The following TLN1 variants were observed in gnomAD, a reference collection of about 807,000 sequenced individuals.
TLN1 encodes talin-1.
TLN1 carries 56 observed loss-of-function variants against 292.3 expected under a neutral mutation model. That is an observed-to-expected ratio of 0.19 (90% CI 0.15 to 0.24). The LOEUF (loss-of-function observed/expected upper bound fraction) is 0.24. TLN1 is among the 10% of genes least tolerant of loss of function. The probability of loss-of-function intolerance (pLI) is 1.00; values close to 1 mark genes in which losing one functional copy is unlikely to be tolerated. For missense variants in TLN1, 2,433 were observed against 3,248.2 expected (o/e 0.75, Z 6.10); for synonymous variants, 1,119 against 1,253.7 (o/e 0.89, Z 2.27).
chr9:35,721,529 C>A, intron 10 of TLN1, 119 bp downstream of exon 10: 8 of 1,128,088 alleles, frequency 7.1e-6, no homozygotes, highest in Admixed American at 5.4e-5. Context: ...TCTACTCTAA[C>A]CTCCTTTTTT....
At position 35,704,182 on chromosome 9, in the gene TLN1, A is replaced by C. The variant is rs62545554; in HGVS notation, c.6048-8T>G. The C allele has an allele frequency of 0.028, 43,816 of 1,583,506 alleles. 825 individuals are homozygous for C. Among genetic ancestry groups the C allele is most frequent in the Non-Finnish European group, 0.031 (35,539 of 1,163,350 alleles). The stretch of plus-strand genomic sequence containing the variant: ...GTCTTCAGGATGCCCTCCCTGAGGG[A>C]GGGCCCAGCTTAGTCAGATCTCCCC... On this transcript the variant is annotated splice_region_variant and splice_polypyrimidine_tract_variant and intron_variant, in intron 45 of 56. Coordinates refer to ENST00000314888, the MANE Select transcript of TLN1 (RefSeq NM_006289.4). The surrounding 1 kb of genome is among the most constrained non-coding windows in gnomAD (Gnocchi z 6.9).
chr9:35,724,362 C>T lies in TLN1; in HGVS notation c.512-28G>A. 6.2e-7 allele frequency: 1 copy of T among 1,613,814 alleles called. No individual in the cohort carries two copies. Among genetic ancestry groups the T allele is most frequent in the Non-Finnish European group, 8.5e-7 (1 of 1,179,786 alleles). On this transcript the variant is annotated intron_variant, in intron 5 of 56. Transcript: ENST00000314888. The surrounding 1 kb of genome is among the most constrained non-coding windows in gnomAD (Gnocchi z 4.7). ...GGGATACAGACAGTCCCCTCAGTGCCAAACCCCCATGGCCCCTGTGCTGTC... is the reference window on the plus strand; with the variant it reads ...GGGATACAGACAGTCCCCTCAGTGCTAAACCCCCATGGCCCCTGTGCTGTC...
chr9:35,718,570 G>A (rs970556002), intron 17 of TLN1, among the ~76,000 whole-genome samples: 2 of 152,234 alleles, frequency 1.3e-5, no homozygotes, highest in African/African-American at 4.8e-5. Context: ...GAGAAAAGAT[G>A]ACAAGGGGCT....
At chr9:35,711,927 A>G in intron 28 of TLN1, 78 bp downstream of exon 28, 1 of 1,594,518 alleles carries the variant, frequency 6.3e-7, no homozygotes, top group South Asian at 1.1e-5. Flanking sequence ...TCAGGGTCAA[A>G]GGACAACCGA....
At position 35,699,184 on chromosome 9, in the gene TLN1, G is replaced by A; in HGVS notation, c.6875-28C>T. On this transcript the variant is annotated intron_variant, in intron 51 of 56. Transcript: ENST00000314888. The surrounding 1 kb of genome is among the most constrained non-coding windows in gnomAD (Gnocchi z 4.0). ...GGTGGGATGAAGGAAGAGGAAAGAG[G>A]CTAAGGCAGAGTGGGGAGGTCAAAA... 1 of 1,593,758 alleles carries A rather than the reference G, an allele frequency of 6.3e-7. No individual in the cohort carries two copies. The highest frequency in any genetic ancestry group is 1.1e-5 in the South Asian group (1 of 89,748).
rs1352834690 is a variant in TLN1, at chr9:35,706,455, G to A, written c.5185C>T (p.His1729Tyr). 6.2e-7 allele frequency: 1 copy of A among 1,614,112 alleles called. No individual in the cohort carries two copies. The highest frequency in any genetic ancestry group is 8.5e-7 in the Non-Finnish European group (1 of 1,180,014). The change falls in exon 39 of 57, where the codon CAC (histidine) becomes TAC (tyrosine). Residue 1729 changes from histidine (H) to tyrosine (Y), a missense_variant. By Grantham distance (83) the His-to-Tyr change is moderately conservative. Around this residue, in one of 7 missense-constraint regions of TLN1, gnomAD observed 1,384 missense variants for 1,699.6 expected, o/e 0.81. Coordinates refer to ENST00000314888, the MANE Select transcript of TLN1 (RefSeq NM_006289.4). This position sits in a 1 kb window ranked among gnomAD's most constrained non-coding sequence, Gnocchi z 4.2. ...CCATGAGTCTCCATAGGTACCTTGT[G>A]TCCCAGCTGGGAGGCTTCAGCCCGG... ...AARAEASQLG[H>Y]KVSQMAQYFE...
chr9:35,711,858 G>C (rs1015726833), intron 28 of TLN1, 66 bp from the exon 29 acceptor site: 2 of 1,606,662 alleles, frequency 1.2e-6, no homozygotes, highest in African/African-American at 1.3e-5. Context: ...TCTGGTAAAG[G>C]AGGGCTGAAA....
rs1333111585 is a variant in TLN1, at chr9:35,719,690, T to C, written c.1578+50A>G. ...GTTTGGTTCACCTCATCCCTATCCCTTGGAGTCTCAGCTTCAGTACCACCG... is the reference window on the plus strand; with the variant it reads ...GTTTGGTTCACCTCATCCCTATCCCCTGGAGTCTCAGCTTCAGTACCACCG... On this transcript the variant is annotated intron_variant, in intron 14 of 56. Coordinates refer to ENST00000314888, the MANE Select transcript of TLN1 (RefSeq NM_006289.4). This position sits in a 1 kb window ranked among gnomAD's most constrained non-coding sequence, Gnocchi z 4.6. 9 of 1,611,112 alleles carry C rather than the reference T, an allele frequency of 5.6e-6. No individual in the cohort carries two copies. The highest frequency in any genetic ancestry group is 2.2e-5 in the South Asian group (2 of 90,964).
At position 35,717,321 on chromosome 9, in the gene TLN1, C is replaced by T. The variant is rs1480809623; in HGVS notation, c.2283G>A (p.Gly761=). The T allele has an allele frequency of 6.2e-7, 1 of 1,614,038 alleles. No homozygotes were observed. Among genetic ancestry groups the T allele is most frequent in the Non-Finnish European group, 8.5e-7 (1 of 1,180,046 alleles). ...CTGCTCCTACCCCTCGCAACAGTTG[C>T]CCATCCTCTGTAGCTGCCTGGGAGG... The part of the protein sequence containing the change: ...VSASQAATED[G]QLLRGVGAAA... Residue 761 remains glycine, a synonymous_variant, in exon 19 of 57, where the codon GGG becomes GGA. Transcript: ENST00000314888. This position sits in a 1 kb window ranked among gnomAD's most constrained non-coding sequence, Gnocchi z 4.7.
At position 35,709,909 on chromosome 9, in the gene TLN1, A is replaced by G. The variant is rs1255682897; in HGVS notation, c.4326+652T>C. ...CTCAAAAAAAAAAAAAAAAAAAAAA[A>G]AAAAAGAAAGTAGTGATTACAGGCC... On this transcript the variant is annotated intron_variant, in intron 33 of 56. Coordinates refer to ENST00000314888, the MANE Select transcript of TLN1 (RefSeq NM_006289.4). Among the ~76,000 whole-genome samples the G allele has an allele frequency of 3.1e-5, 4 of 130,332 alleles. No homozygotes were observed. The East Asian group carries it at 9.3e-4, about 30-fold the overall frequency. The allele number at this position is 130,332 out of a possible 152,430, so 85.5% of individuals were successfully genotyped here.
chr9:35,715,199 G>A lies in TLN1; in HGVS notation c.2626-12C>T. 6.2e-7 allele frequency: 1 copy of A among 1,607,262 alleles called. No individual in the cohort carries two copies. The highest frequency in any genetic ancestry group is 8.5e-7 in the Non-Finnish European group (1 of 1,179,580). The stretch of plus-strand genomic sequence containing the variant: ...TGGGCAGCTGCTCCCTGAGGGAGAG[G>A]TGGAAAGACAGTCATCACCCAGCTC... On this transcript the variant is annotated splice_polypyrimidine_tract_variant and intron_variant, in intron 20 of 56. Coordinates refer to ENST00000314888, the MANE Select transcript of TLN1 (RefSeq NM_006289.4).
intron 48 of TLN1, among the ~76,000 whole-genome samples, 177 bp downstream of exon 48, chr9:35,703,383 G>C (rs1395558816): frequency 2.6e-5 from 4 of 152,144 alleles, no homozygotes; most frequent in African/African-American, 9.7e-5. Context: ...AGAGGGCTGA[G>C]AAGGCTGGAG....
At chr9:35,712,206 T>A in intron 27 of TLN1, 82 bp from the exon 28 acceptor site, 5 of 1,503,412 alleles carry the variant, frequency 3.3e-6, no homozygotes, top group Non-Finnish European at 4.5e-6. Context: ...GGGAGATGAC[T>A]AGCTCTACTG....
chr9:35,719,421 T>G lies in TLN1; in HGVS notation c.1687+98A>C. The G allele has an allele frequency of 7.4e-7, 1 of 1,358,932 alleles. No homozygotes were observed. The highest frequency in any genetic ancestry group is 1.2e-5 in the South Asian group (1 of 84,880). The allele number at this position is 1,358,932 out of a possible 1,614,324, so 84.2% of individuals were successfully genotyped here. A position where few individuals can be genotyped will look rare whatever the true frequency, so the allele number is the denominator to read the frequency against. On this transcript the variant is annotated intron_variant, in intron 15 of 56. Coordinates refer to ENST00000314888, the MANE Select transcript of TLN1 (RefSeq NM_006289.4). This position sits in a 1 kb window ranked among gnomAD's most constrained non-coding sequence, Gnocchi z 4.6. ...CACACACAGTCCCTTCCACAGTGAG[T>G]CAAGGCACAGTCACACATGAAGCCA...
Position 35,707,788 on chromosome 9 carries a change from A to G in TLN1, c.4575T>C (p.Phe1525=). ...RTTNPTAKRQ[F]VQSAKEVANS... is the part of the protein sequence containing the mutation. The stretch of plus-strand genomic sequence containing the variant: ...TGGCCACCTCCTTGGCTGACTGTAC[A>G]AACTGGCGCTTGGCAGTAGGATTGG... Residue 1525 remains phenylalanine, a synonymous_variant, in exon 35 of 57, where the codon TTT becomes TTC. Transcript: ENST00000314888. This position sits in a 1 kb window ranked among gnomAD's most constrained non-coding sequence, Gnocchi z 5.6. 6.2e-7 allele frequency: 1 copy of G among 1,614,218 alleles called. No homozygotes were observed. The highest frequency in any genetic ancestry group is 8.5e-7 in the Non-Finnish European group (1 of 1,180,042).
intron 1 of TLN1, among the ~76,000 whole-genome samples, chr9:35,728,144 G>T (rs185559327): frequency 1.3e-5 from 2 of 152,188 alleles, no homozygotes; most frequent in African/African-American, 2.4e-5. Context: ...CAATTGGAGG[G>T]GGGGAATGGA....
Position 35,719,288 on chromosome 9 carries a change from G to A in TLN1, c.1688-6C>T. The A allele has an allele frequency of 6.2e-7, 1 of 1,610,666 alleles. No homozygotes were observed. Among genetic ancestry groups the A allele is most frequent in the Non-Finnish European group, 8.5e-7 (1 of 1,177,708 alleles). ...GTCTGTCTCAGCAGGGTCCCCTAAG[G>A]GGAAAAGGAGAAAGAGGAACATGAG... On this transcript the variant is annotated splice_region_variant and splice_polypyrimidine_tract_variant and intron_variant, in intron 15 of 56. Coordinates refer to ENST00000314888, the MANE Select transcript of TLN1 (RefSeq NM_006289.4). This position sits in a 1 kb window ranked among gnomAD's most constrained non-coding sequence, Gnocchi z 4.6.
At chr9:35,731,678 TCACACTAACTCTTAAGTTTTAACCC>T (rs1435796413) in intron 1 of TLN1, among the ~76,000 whole-genome samples, 4 of 152,062 alleles carry the variant, frequency 2.6e-5, no homozygotes, top group Non-Finnish European at 4.4e-5. Flanking sequence ...CGGACCTGAC[TCACACTAACTCTTAAGTTTTAACCC>T]CAGCTTTTAA....
chr9:35,712,146 G>C (rs1563942695), intron 27 of TLN1, 22 bp from the exon 28 acceptor site: 2 of 1,606,510 alleles, frequency 1.2e-6, no homozygotes, highest in Non-Finnish European at 1.7e-6. Flanking sequence ...AAGGAGACAG[G>C]GTTGCCCAAG....
Sources: allele counts gnomAD v4.1 joint callset (sites outside exome capture counted in the v4.1 genomes callset), GRCh38; gene constraint gnomAD v4.1.1; regional missense constraint gnomAD v4.1.1; non-coding constraint Gnocchi (gnomAD v3.1); transcripts MANE v1.5; gene names NCBI Gene and HGNC (gene_info 2026-07-23, HGNC 2026-07-21).